Variants in CTNNA2 observed in about 807,000 individuals in gnomAD.
CTNNA2 encodes catenin alpha 2.
CTNNA2 carries 42 observed loss-of-function variants against 101.0 expected under a neutral mutation model. The ratio of observed to expected loss-of-function variants is 0.42; its 90% confidence interval spans 0.32 to 0.54. The LOEUF (loss-of-function observed/expected upper bound fraction) is 0.54. Among genes scored for constraint, CTNNA2 ranks in the 20% least tolerant of loss-of-function variants. The pLI is 0.14. For missense variants in CTNNA2, 871 were observed against 1,223.1 expected, an observed-to-expected ratio of 0.71 and a Z score of 4.29; for synonymous variants, 450 against 456.4, an observed-to-expected ratio of 0.99 and a Z score of 0.18.
chr2:80,046,155 T>C (rs1039112479), intron 7 of CTNNA2, among the ~76,000 whole-genome samples: 10 of 152,298 alleles, frequency 6.6e-5, no homozygotes, highest in Middle Eastern at 3.4e-3. Flanking sequence ...TGTCCACAAA[T>C]GTAAAGACAG....
intron 7 of CTNNA2, among the ~76,000 whole-genome samples, chr2:80,219,625 T>C (rs1708464009): frequency 6.6e-6 from 1 of 152,098 alleles, no homozygotes; most frequent in Admixed American, 6.6e-5. Flanking sequence ...CACTGCAGAG[T>C]TGATGTACAT....
chr2:79,720,178 AC>A (rs1686387148), intron 2 of CTNNA2, among the ~76,000 whole-genome samples: 1 of 151,828 alleles, frequency 6.6e-6, no homozygotes, highest in Non-Finnish European at 1.5e-5. Context: ...GCTTTTGTTG[AC>A]CTTGAGGAAG....
intron 7 of CTNNA2, among the ~76,000 whole-genome samples, chr2:80,249,918 T>C (rs562944248): frequency 6.6e-6 from 1 of 152,200 alleles, no homozygotes; most frequent in Non-Finnish European, 1.5e-5. Flanking sequence ...TTATATTTTC[T>C]TAATGTTTTC....
intron 1 of CTNNA2, among the ~76,000 whole-genome samples, chr2:79,580,115 A>T (rs1404706622): frequency 6.6e-6 from 1 of 152,078 alleles, no homozygotes. Context: ...TCTTGATTAG[A>T]TATTGGAATG....
At chr2:80,614,797 C>T (rs1444429003) in intron 17 of CTNNA2, among the ~76,000 whole-genome samples, 1 of 151,314 alleles carries the variant, frequency 6.6e-6, no homozygotes, top group African/African-American at 2.4e-5. Flanking sequence ...AATCCAAATA[C>T]GTTCAATGTA....
At chr2:79,192,613 T>C (rs1673889096) in intron 1 of CTNNA2, among the ~76,000 whole-genome samples, 1 of 152,178 alleles carries the variant, frequency 6.6e-6, no homozygotes, top group South Asian at 2.1e-4. Context: ...AATTATCTAA[T>C]TTAAAATGTA....
chr2:80,379,749 A>T (rs1256835791), intron 7 of CTNNA2, among the ~76,000 whole-genome samples: 2 of 152,226 alleles, frequency 1.3e-5, no homozygotes, highest in Admixed American at 6.5e-5. Context: ...TCTATAATTT[A>T]AAAATGTTTA....
At chr2:79,435,170 T>G (rs1678699954) in intron 4 of CTNNA2, among the ~76,000 whole-genome samples, 1 of 151,958 alleles carries the variant, frequency 6.6e-6, no homozygotes, top group Non-Finnish European at 1.5e-5. Flanking sequence ...TGGTTGGTGG[T>G]GGGGGAGAAG....
chr2:80,539,014 A>G (rs891637848), intron 9 of CTNNA2, among the ~76,000 whole-genome samples: 3 of 152,012 alleles, frequency 2.0e-5, no homozygotes, highest in Non-Finnish European at 4.4e-5. Flanking sequence ...TATTTTTATG[A>G]GGGATGCATA....
intron 7 of CTNNA2, among the ~76,000 whole-genome samples, chr2:80,310,874 G>A (rs1677501757): frequency 1.3e-5 from 2 of 151,520 alleles, no homozygotes; most frequent in Admixed American, 1.3e-4. Context: ...TTGGGAAGCT[G>A]AGGCAGGAGA....
At chr2:80,385,089 G>A (rs1190803322) in intron 7 of CTNNA2, among the ~76,000 whole-genome samples, 1 of 151,908 alleles carries the variant, frequency 6.6e-6, no homozygotes, top group Non-Finnish European at 1.5e-5. Flanking sequence ...TACAACTCCA[G>A]GTTCTATATA....
At chr2:80,421,149 A>G (rs1353009454) in intron 9 of CTNNA2, among the ~76,000 whole-genome samples, 5 of 152,138 alleles carry the variant, frequency 3.3e-5, no homozygotes, top group African/African-American at 9.7e-5. Context: ...GGGAAGAAAG[A>G]GGAGGAGGAA....
chr2:80,163,485 AT>A (rs943929225), intron 7 of CTNNA2, among the ~76,000 whole-genome samples: 2 of 151,800 alleles, frequency 1.3e-5, no homozygotes, highest in African/African-American at 2.4e-5. Context: ...TATGATTTCA[AT>A]TTTTTTTAAT....
intron 8 of CTNNA2, among the ~76,000 whole-genome samples, chr2:80,412,078 G>A (rs1440047682): frequency 6.6e-6 from 1 of 152,074 alleles, no homozygotes; most frequent in Non-Finnish European, 1.5e-5. Flanking sequence ...ACAGCACCAT[G>A]TCAAGGTGCT....
chr2:79,687,672 A>C, intron 2 of CTNNA2: 1 of 586,632 alleles, frequency 1.7e-6, no homozygotes, highest in East Asian at 3.1e-5. Flanking sequence ...CTTTTCATGA[A>C]AATAACTTAA....
chr2:79,189,582 A>T (rs1673825190), intron 1 of CTNNA2, among the ~76,000 whole-genome samples: 1 of 152,222 alleles, frequency 6.6e-6, no homozygotes, highest in Non-Finnish European at 1.5e-5. Context: ...GCACAGCTGA[A>T]GCAAAAGGCA....
At chr2:79,929,028 A>C (rs1246026524) in intron 7 of CTNNA2, among the ~76,000 whole-genome samples, 2 of 152,212 alleles carry the variant, frequency 1.3e-5, no homozygotes, top group Non-Finnish European at 2.9e-5. Context: ...CCACAGCCCT[A>C]CATGTGTTTA....
intron 7 of CTNNA2, among the ~76,000 whole-genome samples, chr2:80,278,798 C>G (rs538671927): frequency 1.9e-4 from 29 of 151,992 alleles, no homozygotes; most frequent in Admixed American, 7.2e-4. Context: ...GAGACCCCAT[C>G]TCTACTAAAA....
At position 80,301,508 on chromosome 2, in the gene CTNNA2, T is replaced by C. The variant is rs1340800309; in HGVS notation, c.1057-91703T>C. ...TTTCGTGTTCCTAGGAGAAACTGTC[T>C]GGCATTGCTTTTTAAAAACCATTTG... On this transcript the variant is annotated intron_variant, in intron 7 of 18. Coordinates refer to ENST00000402739, the MANE Select transcript of CTNNA2 (RefSeq NM_001282597.3). Among the ~76,000 whole-genome samples, 3 of 152,312 alleles carry C rather than the reference T, an allele frequency of 2.0e-5. No individual in the cohort carries two copies. In the East Asian group the frequency reaches 5.8e-4, roughly 29 times the overall value.
Sources: allele counts gnomAD v4.1 joint callset (sites outside exome capture counted in the v4.1 genomes callset), GRCh38; gene constraint gnomAD v4.1.1; transcripts MANE v1.5; gene names NCBI Gene and HGNC (gene_info 2026-07-23, HGNC 2026-07-21).